Variants in TMPRSS11B observed in about 807,000 individuals in gnomAD.
TMPRSS11B encodes the protein transmembrane serine protease 11B.
Under a neutral mutation model 44.7 loss-of-function variants are expected in TMPRSS11B, and 53 were observed. That is an observed-to-expected ratio of 1.19 (90% confidence interval 0.95 to 1.49). The LOEUF is 1.49. TMPRSS11B is among the 40% of genes most tolerant of loss of function. TMPRSS11B has a pLI of 0.00. For synonymous variants in TMPRSS11B, 140 were observed against 159.2 expected, an observed-to-expected ratio of 0.88 and a Z score of 0.91; for missense variants, 526 against 494.8, an observed-to-expected ratio of 1.06 and a Z score of -0.60.
rs543023948 is a variant in TMPRSS11B at position 68,227,134 on chromosome 4, G to A, written c.*777C>T. The A allele has an allele frequency of 6.6e-6, 1 of 152,232 alleles. No individual in the cohort carries two copies. Among genetic ancestry groups the A allele is most frequent in the African/African-American group, 2.4e-5 (1 of 41,558 alleles). The allele number at this position is 152,232 out of a possible 1,614,324, so 9.4% of individuals were successfully genotyped here. A position where few individuals can be genotyped will look rare whatever the true frequency, so the allele number is the denominator to read the frequency against. On this transcript the variant is annotated 3_prime_UTR_variant, in exon 10 of 10. Transcript: ENST00000332644. ...TCACTGCAAGATTGCATGATTTTGT[G>A]AGGTACATGAATCATTTCACATATA... is the stretch of plus-strand genomic sequence containing the variant.
chr4:68,232,721 TA>T (rs1208079451), intron 5 of TMPRSS11B, among the ~76,000 whole-genome samples: 1 of 151,968 alleles, frequency 6.6e-6, no homozygotes, highest in Non-Finnish European at 1.5e-5. Context: ...ATTGTTTTTT[TA>T]TTATACTTTA....
intron 2 of TMPRSS11B, among the ~76,000 whole-genome samples, 180 bp from the exon 3 acceptor site, chr4:68,236,446 G>A (rs942591754): frequency 1.3e-5 from 2 of 151,516 alleles, no homozygotes; most frequent in East Asian, 1.9e-4. Context: ...TTATACCTCT[G>A]CCTTAACCAT....
intron 8 of TMPRSS11B, 150 bp downstream of exon 8, chr4:68,229,105 TTG>T (rs1719434119): frequency 1.0e-6 from 1 of 962,910 alleles, no homozygotes; most frequent in African/African-American, 1.7e-5. Flanking sequence ...TGAAGACAAT[TTG>T]ACATCATGCT....
intron 5 of TMPRSS11B, among the ~76,000 whole-genome samples, chr4:68,233,639 A>C (rs1719580872): frequency 6.6e-6 from 1 of 152,058 alleles, no homozygotes; most frequent in Non-Finnish European, 1.5e-5. Flanking sequence ...GTCTTTTACC[A>C]ATAGGAAAAA....
chr4:68,238,326 G>T (rs957728960), intron 2 of TMPRSS11B, among the ~76,000 whole-genome samples: 1 of 152,262 alleles, frequency 6.6e-6, no homozygotes, highest in East Asian at 1.9e-4. Flanking sequence ...TACCTGAAAA[G>T]ATGAATGCAT....
At chr4:68,242,438 TTA>T (rs1193869526) in intron 1 of TMPRSS11B, among the ~76,000 whole-genome samples, 1 of 126,144 alleles carries the variant, frequency 7.9e-6, no homozygotes, top group Admixed American at 1.0e-4. Context: ...CAAGTTTTAA[TTA>T]TAGGTTTGAT....
At position 68,234,482 on chromosome 4, in the gene TMPRSS11B, A is replaced by G. The variant is rs4431295; in HGVS notation, c.450T>C (p.Pro150=). The change falls in exon 5 of 10, where the codon CCT becomes CCC. Residue 150 remains proline, a synonymous_variant. Transcript: ENST00000332644. ...AAATACCCATGAGTTTAATGGAAGCAGGAACTGCATTCCAGGATGCCATGT... is the reference window on the plus strand; with the variant it reads ...AAATACCCATGAGTTTAATGGAAGCGGGAACTGCATTCCAGGATGCCATGT... The part of the protein sequence containing the change: ...KNNMASWNAV[P]ASIKLMEISK... 5.0e-3 allele frequency: 8,020 copies of G among 1,613,862 alleles called. 240 individuals carry two copies. In the African/African-American group the frequency reaches 0.081, roughly 16 times the overall value.
At chr4:68,232,280 G>A in intron 6 of TMPRSS11B, 98 bp downstream of exon 6, 1 of 1,193,900 alleles carries the variant, frequency 8.4e-7, no homozygotes, top group Non-Finnish European at 1.2e-6. Context: ...CGTGTTATGG[G>A]ATTTCCACAT....
In TMPRSS11B at chr4:68,235,993, T is replaced by G. The variant is rs946015687; in HGVS notation, c.308+9A>C. ...CCTTTCATAAAATCTTAAATGAACTTGTACTTACAGAAGTTTGATGACCTC... is the reference window on the plus strand; with the variant it reads ...CCTTTCATAAAATCTTAAATGAACTGGTACTTACAGAAGTTTGATGACCTC... On this transcript the variant is annotated intron_variant, in intron 4 of 9. Coordinates refer to ENST00000332644, the MANE Select transcript of TMPRSS11B (RefSeq NM_182502.3). The G allele has an allele frequency of 2.9e-5, 45 of 1,529,492 alleles. No individual in the cohort carries two copies. The highest frequency in any genetic ancestry group is 3.7e-5 in the Non-Finnish European group (42 of 1,132,810). The allele number at this position is 1,529,492 out of a possible 1,614,324, so 94.7% of individuals were successfully genotyped here. A position where few individuals can be genotyped will look rare whatever the true frequency, so the allele number is the denominator to read the frequency against.
At chr4:68,231,571 C>T (rs1007213935) in intron 6 of TMPRSS11B, among the ~76,000 whole-genome samples, 191 bp from the exon 7 acceptor site, 1 of 152,244 alleles carries the variant, frequency 6.6e-6, no homozygotes, top group African/African-American at 2.4e-5. Flanking sequence ...CTTACTTATC[C>T]TCTTTTCCAG....
Position 68,234,590 on chromosome 4 carries a change from C to T in TMPRSS11B, c.342G>A (p.Gln114=). 1 of 1,613,920 alleles carries T rather than the reference C, an allele frequency of 6.2e-7. No homozygotes were observed. Among genetic ancestry groups the T allele is most frequent in the East Asian group, 2.2e-5 (1 of 44,830 alleles). ...PNANGSNVQL[Q]LKFKFPPAEG... Reference sequence around the variant, plus strand: ...CTGCTGGAGGAAACTTGAATTTCAGCTGTAACTGCACATTTGAACCATTGG... The same window carrying T: ...CTGCTGGAGGAAACTTGAATTTCAGTTGTAACTGCACATTTGAACCATTGG... The change falls in exon 5 of 10, where the codon CAG becomes CAA. Residue 114 remains glutamine (Q), a synonymous_variant. Coordinates refer to ENST00000332644, the MANE Select transcript of TMPRSS11B (RefSeq NM_182502.3).
chr4:68,230,620 A>G (rs1719480946), intron 7 of TMPRSS11B, among the ~76,000 whole-genome samples: 2 of 152,128 alleles, frequency 1.3e-5, no homozygotes, highest in African/African-American at 2.4e-5. Flanking sequence ...CCTGACTAAC[A>G]TGGTAAAACC....
chr4:68,234,747 T>C (rs1719615955), intron 4 of TMPRSS11B, 124 bp from the exon 5 acceptor site: 1 of 956,028 alleles, frequency 1.0e-6, no homozygotes, highest in African/African-American at 1.7e-5. Context: ...AAAATATACA[T>C]ATACTATCTA....
intron 9 of TMPRSS11B, 50 bp downstream of exon 9, chr4:68,228,692 T>G (rs2109953794): frequency 6.5e-7 from 1 of 1,549,174 alleles, no homozygotes; most frequent in Non-Finnish European, 8.7e-7. Flanking sequence ...GATAAAAACT[T>G]CCATTTGATT....
intron 7 of TMPRSS11B, among the ~76,000 whole-genome samples, chr4:68,230,260 C>G (rs1046967071): frequency 1.3e-5 from 2 of 152,074 alleles, no homozygotes; most frequent in African/African-American, 4.8e-5. Context: ...AATTTATCTT[C>G]CTTTGGATAT....
At position 68,245,544 on chromosome 4, in the gene TMPRSS11B, C is replaced by T. The variant is rs1307961182; in HGVS notation, c.8+7G>A. ...CAACTTGCTCTCCCCAGTGAAGTCC[C>T]CTTTACCTGTACATAATGTTCTGAT... On this transcript the variant is annotated splice_region_variant and intron_variant, in intron 1 of 9. Transcript: ENST00000332644. The T allele has an allele frequency of 6.2e-7, 1 of 1,613,388 alleles. No individual in the cohort carries two copies. The highest frequency in any genetic ancestry group is 1.3e-5 in the African/African-American group (1 of 74,846).
At position 68,229,307 on chromosome 4, in the gene TMPRSS11B, G is replaced by A. The variant is rs949835726; in HGVS notation, c.896C>T (p.Ser299Leu). The A allele has an allele frequency of 1.9e-6, 3 of 1,613,172 alleles. No individual in the cohort carries two copies. The highest frequency in any genetic ancestry group is 1.3e-5 in the African/African-American group (1 of 74,840). The change falls in exon 8 of 10, where the codon TCA becomes TTA. Residue 299 changes from serine to leucine, a missense_variant. Transcript: ENST00000332644. ...ICLPEAKMKLSENDNVVVTGW... is the reference protein window; with the variant it reads ...ICLPEAKMKLLENDNVVVTGW... ...TGTAACTACAACATTGTCATTTTCT[G>A]AGAGCTTCATTTTGGCTTCAGGAAG... is the stretch of plus-strand genomic sequence containing the variant.
At chr4:68,240,214 G>T (rs567517677) in intron 2 of TMPRSS11B, among the ~76,000 whole-genome samples, 2 of 152,014 alleles carry the variant, frequency 1.3e-5, no homozygotes, top group Non-Finnish European at 2.9e-5. Context: ...CTGTTATCCA[G>T]CTTAAGTTAT....
intron 7 of TMPRSS11B, among the ~76,000 whole-genome samples, chr4:68,230,495 C>G (rs1027375522): frequency 6.6e-6 from 1 of 152,110 alleles, no homozygotes; most frequent in Non-Finnish European, 1.5e-5. Context: ...CTTGAATTCA[C>G]ATTCAGTTTC....
Sources: gnomAD v4.1 joint callset for allele counts (sites outside exome capture counted in the v4.1 genomes callset) on GRCh38, gnomAD v4.1.1 for gene constraint, MANE v1.5 for transcripts, NCBI Gene and HGNC (gene_info 2026-07-23, HGNC 2026-07-21) for gene names.